KIAA1210: variants seen among roughly 807,000 people sequenced by gnomAD.
KIAA1210 encodes the protein acrosomal protein KIAA1210.
A neutral mutation model predicts 78.9 loss-of-function variants in KIAA1210; 48 were observed. That is an observed-to-expected ratio of 0.61 (90% CI 0.48 to 0.77). KIAA1210 has a LOEUF of 0.77. KIAA1210 is among the 30% of genes least tolerant of loss of function. The pLI, the probability that KIAA1210 is intolerant of heterozygous loss-of-function variation, is 0.00. For missense variants in KIAA1210, 1,108 were observed against 1,100.0 expected, an observed-to-expected ratio of 1.01 and a Z score of -0.10; for synonymous variants, 406 against 404.5, an observed-to-expected ratio of 1.00 and a Z score of -0.04.
intron 9 of KIAA1210, among the ~76,000 whole-genome samples, chrX:119,086,255 G>A (rs1272320429): frequency 8.9e-6 from 1 of 111,742 alleles, no homozygotes; most frequent in Non-Finnish European, 1.9e-5. Flanking sequence ...AATGTAAGGT[G>A]TGCAGAGGGT....
intron 2 of KIAA1210, among the ~76,000 whole-genome samples, chrX:119,139,537 T>C (rs1928998942): frequency 9.0e-6 from 1 of 111,470 alleles, no homozygotes; most frequent in Non-Finnish European, 1.9e-5. Flanking sequence ...ACTCGATACA[T>C]GTTCACTGTT....
intron 2 of KIAA1210, among the ~76,000 whole-genome samples, chrX:119,120,954 T>C (rs1157145950): frequency 9.0e-6 from 1 of 110,921 alleles, no homozygotes; most frequent in African/African-American, 3.3e-5. Context: ...ACATACAATG[T>C]CAGTAGCAAG....
upstream of KIAA1210, among the ~76,000 whole-genome samples, chrX:119,130,884 C>T (rs932854961): frequency 3.4e-4 from 38 of 111,838 alleles, no homozygotes; most frequent in African/African-American, 1.2e-3. Flanking sequence ...GTTTGCTTCT[C>T]TAGGCCAACC....
rs779531735 is a variant in KIAA1210 at position 119,088,135 on chromosome X, C to T, written c.2567G>A (p.Arg856Gln). 2.6e-5 allele frequency: 32 copies of T among 1,209,469 alleles called. No homozygotes were observed. The South Asian group carries it at 4.4e-4, about 17-fold the overall frequency. Residue 856 changes from arginine (R) to glutamine (Q), a missense_variant, in exon 9 of 12, where the codon CGG (arginine) becomes CAG (glutamine). By Grantham distance (43) the Arg-to-Gln change is conservative. This residue lies in a region of KIAA1210 where 7 missense variants were observed against 21.9 expected (regional missense o/e 0.32). Transcript: ENST00000691062. ...AACAGCTGTGCTTTCTGAGATTTGC[C>T]GGATTTGAGGATCTGTCAAGGACTG... is the stretch of plus-strand genomic sequence containing the variant. ...SPQSLTDPQI[R>Q]QISESTAVEE...
chrX:119,144,314 C>T (rs1410022340), intron 2 of KIAA1210, among the ~76,000 whole-genome samples: 1 of 112,225 alleles, frequency 8.9e-6, no homozygotes, highest in Non-Finnish European at 1.9e-5. Flanking sequence ...CTTCCCAATT[C>T]AGACACTTAC....
chrX:119,132,357 T>G (rs975987314), upstream of KIAA1210, among the ~76,000 whole-genome samples: 1 of 111,602 alleles, frequency 9.0e-6, no homozygotes, highest in Non-Finnish European at 1.9e-5. Flanking sequence ...TAGCTCTAAT[T>G]GCAGATGAAG....
At chrX:119,123,553 G>A in intron 2 of KIAA1210, 29 bp downstream of exon 2, 1 of 1,090,042 alleles carries the variant, frequency 9.2e-7, no homozygotes, top group Non-Finnish European at 1.3e-6. Flanking sequence ...ATCTAATTCT[G>A]GTTATCAAAG....
intron 2 of KIAA1210, among the ~76,000 whole-genome samples, chrX:119,121,764 TTTA>T (rs202051150): frequency 0.012 from 1,344 of 110,968 alleles, 22 homozygotes; most frequent in African/African-American, 0.042. Flanking sequence ...TTTTTTAGTT[TTTA>T]TTTATTATTT....
rs367855701 is a variant in KIAA1210 at position 119,101,041 on chromosome X, C to A, written c.648+3951G>T. ...GGACCTTGGGCCAGGGGAAAGGATT[C>A]TTCAGCACTGGTTAGTAGAGAGCTG... On this transcript the variant is annotated intron_variant, in intron 6 of 11. Transcript: ENST00000691062. Among the ~76,000 whole-genome samples, 15 of 112,222 alleles carry A rather than the reference C, an allele frequency of 1.3e-4. No homozygotes were observed. In the East Asian group the frequency reaches 2.8e-3, roughly 21 times the overall value.
chrX:119,114,999 TAC>T (rs1928208499), intron 3 of KIAA1210, among the ~76,000 whole-genome samples: 1 of 112,144 alleles, frequency 8.9e-6, no homozygotes, highest in African/African-American at 3.2e-5. Flanking sequence ...TACGGCTTAA[TAC>T]AGTCTTGGAA....
chrX:119,131,659 G>A (rs1457732410), upstream of KIAA1210, among the ~76,000 whole-genome samples: 1 of 112,882 alleles, frequency 8.9e-6, no homozygotes, highest in Admixed American at 9.3e-5. Flanking sequence ...AGCAGATGCT[G>A]TCCTGTTGGC....
chrX:119,087,312 A>G lies in KIAA1210; in HGVS notation c.3390T>C (p.Tyr1130=), dbSNP rs772101273. 9.9e-6 allele frequency: 12 copies of G among 1,209,100 alleles called. No homozygotes were observed. The Admixed American group carries it at 2.4e-4, about 24-fold the overall frequency. ...QLSQALRKPE[Y]EQKVSPVSAS... ...CAGAAACAGGGGAGACTTTTTGCTC[A>G]TACTCAGGTTTCCTCAAGGCCTGGG... is the stretch of plus-strand genomic sequence containing the variant. Residue 1130 remains tyrosine (Y), a synonymous_variant, in exon 9 of 12, where the codon TAT becomes TAC. Transcript: ENST00000691062.
intron 2 of KIAA1210, among the ~76,000 whole-genome samples, chrX:119,141,018 C>T (rs1348796503): frequency 1.8e-5 from 2 of 112,454 alleles, no homozygotes; most frequent in Non-Finnish European, 3.8e-5. Context: ...AATGCAGAAA[C>T]CTTTGTTAAT....
chrX:119,119,737 G>A (rs894244201), intron 2 of KIAA1210, among the ~76,000 whole-genome samples: 2 of 111,201 alleles, frequency 1.8e-5, no homozygotes, highest in African/African-American at 6.5e-5. Context: ...AGCACTTTGG[G>A]AGGCCGAGGC....
chrX:119,099,521 G>T (rs1927668263), intron 6 of KIAA1210, among the ~76,000 whole-genome samples: 1 of 112,510 alleles, frequency 8.9e-6, no homozygotes, highest in Non-Finnish European at 1.9e-5. Flanking sequence ...TCTGACTATG[G>T]AGCTCAAGCT....
chrX:119,149,705 G>A (rs1929247888), intron 1 of KIAA1210, among the ~76,000 whole-genome samples: 1 of 111,888 alleles, frequency 8.9e-6, no homozygotes, highest in Non-Finnish European at 1.9e-5. Flanking sequence ...ACAACACTGT[G>A]GACACATAAT....
At chrX:119,112,109 ACT>A (rs1371188544) in intron 3 of KIAA1210, among the ~76,000 whole-genome samples, 1 of 109,919 alleles carries the variant, frequency 9.1e-6, no homozygotes, top group African/African-American at 3.3e-5. Flanking sequence ...CCCCGCTTGC[ACT>A]CTCTCTCTAC....
chrX:119,115,906 T>C (rs181705346), intron 3 of KIAA1210, among the ~76,000 whole-genome samples: 2 of 112,029 alleles, frequency 1.8e-5, no homozygotes, highest in East Asian at 5.6e-4. Context: ...TTTCCCCTAG[T>C]CTCCTGAAAT....
At chrX:119,146,546 C>T (rs1249057975) in intron 2 of KIAA1210, among the ~76,000 whole-genome samples, 2 of 112,223 alleles carry the variant, frequency 1.8e-5, no homozygotes, top group East Asian at 5.6e-4. Context: ...ACCATTTTCT[C>T]CTAAATGAAT....
Sources: allele counts gnomAD v4.1 joint callset (sites outside exome capture counted in the v4.1 genomes callset), GRCh38; gene constraint gnomAD v4.1.1; regional missense constraint gnomAD v4.1.1; transcripts MANE v1.5; gene names NCBI Gene and HGNC (gene_info 2026-07-23, HGNC 2026-07-21).